REPS1: variants seen among roughly 807,000 people sequenced by gnomAD.
REPS1 encodes ralBP1-associated Eps domain-containing protein 1.
In REPS1, 39 loss-of-function variants were observed where a neutral mutation model predicts 100.9. The ratio of observed to expected loss-of-function variants is 0.39; its 90% confidence interval spans 0.30 to 0.50. REPS1 has a LOEUF of 0.50. REPS1 is among the 20% of genes least tolerant of loss of function. The pLI, the probability that REPS1 is intolerant of heterozygous loss-of-function variation, is 0.86. For synonymous variants in REPS1, 324 were observed against 340.3 expected (o/e 0.95, Z 0.53); for missense variants, 821 against 968.5 (o/e 0.85, Z 2.02).
chr6:138,928,102 A>T (rs1449567792), intron 9 of REPS1: 1 of 152,220 alleles, frequency 6.6e-6, no homozygotes, highest in Admixed American at 6.5e-5. Flanking sequence ...GAACCAGACT[A>T]CTGGAATCCC....
chr6:138,906,227 T>C (rs1458998709), intron 19 of REPS1, among the ~76,000 whole-genome samples: 1 of 152,248 alleles, frequency 6.6e-6, no homozygotes, highest in Non-Finnish European at 1.5e-5. Flanking sequence ...CATAGAGTTA[T>C]ACAACAATAT....
intron 2 of REPS1, among the ~76,000 whole-genome samples, chr6:138,946,257 A>AC (rs1164271664): frequency 9.2e-6 from 1 of 108,194 alleles, no homozygotes; most frequent in Non-Finnish European, 2.1e-5. Flanking sequence ...CTTATTGTTC[A>AC]CCCCCCAAAA....
At chr6:138,956,365 C>T (rs1292054753) in intron 1 of REPS1, among the ~76,000 whole-genome samples, 1 of 151,984 alleles carries the variant, frequency 6.6e-6, no homozygotes, top group African/African-American at 2.4e-5. Flanking sequence ...GAGACTCACC[C>T]AGAAATGCTA....
Position 138,912,863 on chromosome 6 carries a change from G to A in REPS1, c.1873C>T (p.Pro625Ser). The A allele has an allele frequency of 6.2e-7, 1 of 1,614,092 alleles. No homozygotes were observed. The highest frequency in any genetic ancestry group is 2.2e-5 in the East Asian group (1 of 44,886). ...AACTGACTGAAATCTGCAAAATTTG[G>A]TTGCTCTGGTATCTGCTGAGGTGAG... Reference protein sequence around the residue: ...STSPQQIPEQPNFADFSQFEV... With the variant: ...STSPQQIPEQSNFADFSQFEV... The change falls in exon 16 of 20, where the codon CCA (proline) becomes TCA (serine). Residue 625 changes from proline to serine, a missense_variant. Pro to Ser is a moderately conservative substitution (Grantham distance 74). This residue lies in a region of REPS1 where 757 missense variants were observed against 866.4 expected (regional missense o/e 0.87). Transcript: ENST00000450536.
Position 138,941,471 on chromosome 6 carries a change from A to T in REPS1, c.999T>A (p.Asp333Glu). The change falls in exon 8 of 20, where the codon GAT becomes GAA. Residue 333 changes from aspartate (D) to glutamate (E), a missense_variant. Around this residue, in one of 3 missense-constraint regions of REPS1, gnomAD observed 757 missense variants for 866.4 expected, o/e 0.87. Transcript: ENST00000450536. ...LSHIWELSDF[D>E]KDGALTLDEF... The stretch of plus-strand genomic sequence containing the variant: ...CATCCAGTGTCAATGCACCATCTTT[A>T]TCAAAGTCTGAGAGTTCCCTAGAAG... The T allele has an allele frequency of 6.2e-7, 1 of 1,613,928 alleles. No individual in the cohort carries two copies. The highest frequency in any genetic ancestry group is 8.5e-7 in the Non-Finnish European group (1 of 1,179,860).
chr6:138,915,604 C>T (rs1780312392), intron 14 of REPS1, among the ~76,000 whole-genome samples: 1 of 151,914 alleles, frequency 6.6e-6, no homozygotes, highest in Non-Finnish European at 1.5e-5. Flanking sequence ...AGACATGCAT[C>T]ACTACATCCG....
chr6:138,929,983 G>A lies in REPS1; in HGVS notation c.1251C>T (p.Ser417=). 1 of 1,613,380 alleles carries A rather than the reference G, an allele frequency of 6.2e-7. No homozygotes were observed. The highest frequency in any genetic ancestry group is 8.5e-7 in the Non-Finnish European group (1 of 1,179,510). The change falls in exon 9 of 20, where the codon AGC becomes AGT. Residue 417 remains serine, a synonymous_variant. Coordinates refer to ENST00000450536, the MANE Select transcript of REPS1 (RefSeq NM_001286611.2). ...AAAGGAAAGCTTTGCTAACCTCACT[G>A]CTCTGATTCAGCTCAGGCCATGTCT... ...LNQTWPELNQ[S]SEQWETFSER...
At chr6:138,911,249 T>A (rs1449921408) in intron 17 of REPS1, 27 bp downstream of exon 17, 2 of 1,417,262 alleles carry the variant, frequency 1.4e-6, no homozygotes, top group Non-Finnish European at 2.0e-6. Context: ...TGTACAAAAT[T>A]ATTATTATAA....
At chr6:138,956,601 T>G (rs1329049225) in intron 1 of REPS1, among the ~76,000 whole-genome samples, 1 of 152,064 alleles carries the variant, frequency 6.6e-6, no homozygotes, top group East Asian at 1.9e-4. Flanking sequence ...CAATTAAGAA[T>G]GAGCACCTGA....
In REPS1 at chr6:138,950,013, A is replaced by G. The variant is rs563272634; in HGVS notation, c.154-2100T>C. Among the ~76,000 whole-genome samples, 247 of 152,158 alleles carry G rather than the reference A, an allele frequency of 1.6e-3. 2 individuals are homozygous for G. The highest frequency in any genetic ancestry group is 5.7e-3 in the African/African-American group (237 of 41,508). On this transcript the variant is annotated intron_variant, in intron 1 of 19. Coordinates refer to ENST00000450536, the MANE Select transcript of REPS1 (RefSeq NM_001286611.2). The stretch of plus-strand genomic sequence containing the variant: ...TTTCCAATTTTTATACAAGCTTGTC[A>G]TTTCCCCTTTAGGACTTTTGGGTTT...
At chr6:138,953,585 A>T (rs1783179879) in intron 1 of REPS1, among the ~76,000 whole-genome samples, 1 of 152,152 alleles carries the variant, frequency 6.6e-6, no homozygotes, top group South Asian at 2.1e-4. Context: ...TGGTCAACAA[A>T]TACATGAAAA....
chr6:138,980,800 G>A (rs1164326506), intron 1 of REPS1, among the ~76,000 whole-genome samples: 1 of 148,952 alleles, frequency 6.7e-6, no homozygotes, highest in African/African-American at 2.5e-5. Context: ...TGATCCTCCT[G>A]CCTCTGCCTC....
chr6:138,955,472 G>GTGTGTGTGTA, intron 1 of REPS1, among the ~76,000 whole-genome samples: 1 of 149,596 alleles, frequency 6.7e-6, no homozygotes, highest in African/African-American at 2.5e-5. Context: ...GTGTGTGTGT[G>GTGTGTGTGTA]TGTGTGTGTG....
intron 19 of REPS1, 71 bp from the exon 20 acceptor site, chr6:138,905,203 T>G (rs1779551892): frequency 2.2e-6 from 2 of 920,606 alleles, no homozygotes; most frequent in Non-Finnish European, 1.7e-6. Flanking sequence ...ACAACAGCTC[T>G]GCTTCAAGAA....
intron 10 of REPS1, 77 bp from the exon 11 acceptor site, chr6:138,921,201 A>C: frequency 1.0e-6 from 1 of 968,442 alleles, no homozygotes. Context: ...AAAACAAACA[A>C]AACTAAAAAC....
chr6:138,971,499 C>T (rs752495808), intron 1 of REPS1, among the ~76,000 whole-genome samples: 2 of 152,002 alleles, frequency 1.3e-5, no homozygotes, highest in Non-Finnish European at 2.9e-5. Flanking sequence ...GCTATAGTGC[C>T]AAGGTGTCCA....
At chr6:138,976,371 A>C (rs1784605611) in intron 1 of REPS1, among the ~76,000 whole-genome samples, 1 of 152,172 alleles carries the variant, frequency 6.6e-6, no homozygotes, top group Admixed American at 6.5e-5. Flanking sequence ...CTAGCTCCTT[A>C]TGCAAACTCA....
chr6:138,959,336 T>C (rs963814532), intron 1 of REPS1, among the ~76,000 whole-genome samples: 2 of 152,098 alleles, frequency 1.3e-5, no homozygotes, highest in African/African-American at 4.8e-5. Context: ...CTCAATTACA[T>C]GTAAGAGCCT....
At chr6:138,910,001 C>A (rs1049474552) in intron 17 of REPS1, among the ~76,000 whole-genome samples, 2 of 152,132 alleles carry the variant, frequency 1.3e-5, no homozygotes, top group African/African-American at 4.8e-5. Context: ...CTGATACTTG[C>A]AATCTAAAGT....
Sources: gnomAD v4.1 joint callset for allele counts (sites outside exome capture counted in the v4.1 genomes callset) on GRCh38, gnomAD v4.1.1 for gene constraint, gnomAD v4.1.1 regional missense constraint, MANE v1.5 for transcripts, NCBI Gene and HGNC (gene_info 2026-07-23, HGNC 2026-07-21) for gene names.